The following GFRA2 variants were observed in gnomAD, a reference collection of about 807,000 sequenced individuals.
GFRA2 encodes GDNF family receptor alpha 2.
A neutral mutation model predicts 48.3 loss-of-function variants in GFRA2; 17 were observed. The ratio of observed to expected loss-of-function variants is 0.35; its 90% confidence interval spans 0.24 to 0.53. The LOEUF (loss-of-function observed/expected upper bound fraction) is 0.53. Ranked by LOEUF, GFRA2 falls within the 20% of genes least tolerant of loss-of-function variation. GFRA2 has a pLI of 0.93. For synonymous variants in GFRA2, 305 were observed against 257.2 expected, an observed-to-expected ratio of 1.19 and a Z score of -1.78; for missense variants, 660 against 637.3, an observed-to-expected ratio of 1.04 and a Z score of -0.38.
At chr8:21,810,426 C>T (rs1238869001) in intron 1 of GFRA2, among the ~76,000 whole-genome samples, 1 of 152,200 alleles carries the variant, frequency 6.6e-6, no homozygotes, top group Non-Finnish European at 1.5e-5. Flanking sequence ...GGACAGAGTC[C>T]TTCCTGGGCT....
At chr8:21,767,828 G>A (rs1266397384) in intron 3 of GFRA2, among the ~76,000 whole-genome samples, 3 of 152,220 alleles carry the variant, frequency 2.0e-5, no homozygotes, top group African/African-American at 2.4e-5. Flanking sequence ...TTCCCTCCTC[G>A]TCTTTTTCAT....
intron 4 of GFRA2, among the ~76,000 whole-genome samples, chr8:21,740,749 G>T (rs1406142775): frequency 6.6e-6 from 1 of 152,148 alleles, no homozygotes; most frequent in Non-Finnish European, 1.5e-5. Context: ...TGTCTCAAAG[G>T]CATCTCGAAA....
chr8:21,796,997 G>C (rs1807688623), intron 2 of GFRA2, among the ~76,000 whole-genome samples: 1 of 152,134 alleles, frequency 6.6e-6, no homozygotes, highest in Non-Finnish European at 1.5e-5. Flanking sequence ...TATAGTCCAG[G>C]CATCAAGTGA....
At position 21,693,205 on chromosome 8, in the gene GFRA2, G is replaced by C. The variant is rs1801955545; in HGVS notation, c.*73C>G. On this transcript the variant is annotated 3_prime_UTR_variant, in exon 9 of 9. Transcript: ENST00000524240. ...TTGCAAGGTGTGTGTGTGTCTGTGT[G>C]TGTTTCCATTTCGTCAGGCGGCTGT... 6.8e-7 allele frequency: 1 copy of C among 1,470,542 alleles called. No homozygotes were observed. The highest frequency in any genetic ancestry group is 9.3e-7 in the Non-Finnish European group (1 of 1,080,324). 91.1% of individuals were successfully genotyped at this position (1,470,542 alleles called of 1,614,324 possible).
chr8:21,710,228 G>A (rs1020080832), intron 4 of GFRA2, among the ~76,000 whole-genome samples: 5 of 152,206 alleles, frequency 3.3e-5, no homozygotes, highest in South Asian at 2.1e-4. Flanking sequence ...CCAACCTCCC[G>A]CCTTGGGCTG....
rs535489910 is a variant in GFRA2 at position 21,694,866 on chromosome 8, T to C, written c.1219-349A>G. Among the ~76,000 whole-genome samples, 4 of 152,346 alleles carry C rather than the reference T, an allele frequency of 2.6e-5. No individual in the cohort carries two copies. The South Asian group carries it at 8.3e-4, about 32-fold the overall frequency. ...TCTTTTCCTCACACTGAGCAGTGTC[T>C]GGTTCATAACAACAACTCAACAAAT... On this transcript the variant is annotated intron_variant, in intron 7 of 8. Coordinates refer to ENST00000524240, the MANE Select transcript of GFRA2 (RefSeq NM_001495.5).
At chr8:21,775,173 T>A in intron 2 of GFRA2, 118 bp from the exon 3 acceptor site, 1 of 667,348 alleles carries the variant, frequency 1.5e-6, no homozygotes, top group South Asian at 1.7e-5. Context: ...ACCCAAAGGA[T>A]AAGAGACAGG....
At chr8:21,744,450 G>C (rs1238582887) in intron 4 of GFRA2, among the ~76,000 whole-genome samples, 2 of 152,030 alleles carry the variant, frequency 1.3e-5, no homozygotes, top group African/African-American at 4.8e-5. Flanking sequence ...CAGACTAAGA[G>C]GAACAGGGCA....
In GFRA2 at chr8:21,765,125, T is replaced by A. The variant is rs552917978; in HGVS notation, c.439+9847A>T. On this transcript the variant is annotated intron_variant, in intron 3 of 8. Coordinates refer to ENST00000524240, the MANE Select transcript of GFRA2 (RefSeq NM_001495.5). ...CTTTTTATTTTTTATTTATTTATTT[T>A]TTTTGAGACATAGTCTTACTCTGTC... 3.7e-3 allele frequency among the ~76,000 whole-genome samples: 563 copies of A among 152,252 alleles called. 2 individuals carry two copies. Among genetic ancestry groups the A allele is most frequent in the African/African-American group, 0.013 (530 of 41,530 alleles).
chr8:21,691,208 C>G lies in GFRA2; in HGVS notation c.*2070G>C, dbSNP rs773202746. The G allele has an allele frequency of 1.3e-5, 2 of 152,264 alleles. No individual in the cohort carries two copies. The highest frequency in any genetic ancestry group is 2.9e-5 in the Non-Finnish European group (2 of 68,062). 9.4% of individuals were successfully genotyped at this position (152,264 alleles called of 1,614,324 possible). On this transcript the variant is annotated 3_prime_UTR_variant, in exon 9 of 9. Coordinates refer to ENST00000524240, the MANE Select transcript of GFRA2 (RefSeq NM_001495.5). Reference sequence around the variant, plus strand: ...ACAGTAGAAACATCTTCTCGCCTACCAGTCTTCCATTCTCCCTCCTGCCAT... The same window carrying G: ...ACAGTAGAAACATCTTCTCGCCTACGAGTCTTCCATTCTCCCTCCTGCCAT...
In GFRA2 at chr8:21,788,830, TCTC is replaced by T. The variant is rs1807419784; in HGVS notation, c.-674_-672del. ...TGTCTTTCTCTCTCCTCTCTCTCTC[TCTC>T]CTCTCCCTCGCTCGCTCTTTGCTCT... On this transcript the variant is annotated 5_prime_UTR_variant, in exon 1 of 9. Transcript: ENST00000524240. 2.6e-5 allele frequency: 25 copies of T among 979,192 alleles called. No individual in the cohort carries two copies. The South Asian group carries it at 1.1e-3, about 43-fold the overall frequency. The allele number at this position is 979,192 out of a possible 1,614,324, so 60.7% of individuals were successfully genotyped here. A position where few individuals can be genotyped will look rare whatever the true frequency, so the allele number is the denominator to read the frequency against.
At chr8:21,694,675 A>G (rs1563209948) in intron 7 of GFRA2, among the ~76,000 whole-genome samples, 158 bp from the exon 8 acceptor site, 2 of 152,072 alleles carry the variant, frequency 1.3e-5, no homozygotes, top group Admixed American at 6.5e-5. Context: ...CCCAGCACAA[A>G]AGGCTTCTGC....
At chr8:21,777,906 C>T (rs1806788207) in intron 2 of GFRA2, among the ~76,000 whole-genome samples, 2 of 152,200 alleles carry the variant, frequency 1.3e-5, no homozygotes, top group Admixed American at 1.3e-4. Context: ...GCCAGATCCT[C>T]TGCAGTTCAG....
At chr8:21,799,711 T>C (rs1431297885) in intron 2 of GFRA2, among the ~76,000 whole-genome samples, 5 of 152,294 alleles carry the variant, frequency 3.3e-5, no homozygotes, top group African/African-American at 4.8e-5. Context: ...ACCAAGTCAC[T>C]TGTTAGTCTG....
chr8:21,703,729 G>A (rs1236171020), intron 6 of GFRA2, among the ~76,000 whole-genome samples: 1 of 152,108 alleles, frequency 6.6e-6, no homozygotes, highest in Non-Finnish European at 1.5e-5. Flanking sequence ...GCAGCCCGCT[G>A]AGCTCACCTC....
intron 2 of GFRA2, among the ~76,000 whole-genome samples, chr8:21,794,016 T>C (rs1807624513): frequency 6.6e-6 from 1 of 151,732 alleles, no homozygotes; most frequent in African/African-American, 2.4e-5. Flanking sequence ...GGCCTGCACC[T>C]GGCTTATTTA....
chr8:21,728,265 GTTTT>G (rs34490346), intron 4 of GFRA2, among the ~76,000 whole-genome samples: 8 of 65,292 alleles, frequency 1.2e-4, no homozygotes, highest in East Asian at 5.7e-4. Flanking sequence ...CGGGAACCAG[GTTTT>G]TTTTTTTTTT....
chr8:21,768,156 T>G lies in GFRA2; in HGVS notation c.439+6816A>C, dbSNP rs901906349. 3.3e-5 allele frequency among the ~76,000 whole-genome samples: 5 copies of G among 152,188 alleles called. No individual in the cohort carries two copies. The East Asian group carries it at 7.7e-4, about 23-fold the overall frequency. On this transcript the variant is annotated intron_variant, in intron 3 of 8. Coordinates refer to ENST00000524240, the MANE Select transcript of GFRA2 (RefSeq NM_001495.5). ...CCCCCACTCTCTTGCACCCCACACC[T>G]GCTCCTTGGCCATCAGCTGAATTCT...
At chr8:21,751,878 C>T (rs943339733) in intron 3 of GFRA2, among the ~76,000 whole-genome samples, 1 of 152,166 alleles carries the variant, frequency 6.6e-6, no homozygotes, top group Non-Finnish European at 1.5e-5. Flanking sequence ...GGAGGGCCCA[C>T]TCTGGAAGAG....
Sources: gnomAD v4.1 joint callset for allele counts (sites outside exome capture counted in the v4.1 genomes callset) on GRCh38, gnomAD v4.1.1 for gene constraint, MANE v1.5 for transcripts, NCBI Gene and HGNC (gene_info 2026-07-23, HGNC 2026-07-21) for gene names.